SUMF1: variants seen among roughly 807,000 people sequenced by gnomAD.
The protein encoded by SUMF1 is sulfatase modifying factor 1.
In SUMF1, 48 loss-of-function variants were observed where a neutral mutation model predicts 47.6. The observed-to-expected ratio is 1.01, with a 90% CI of 0.80 to 1.28. The LOEUF is 1.28. SUMF1 is among the 50% of genes most tolerant of loss of function. SUMF1 has a pLI of 0.00. For missense variants in SUMF1, 571 were observed against 485.4 expected (o/e 1.18, Z -1.66); for synonymous variants, 230 against 192.1 (o/e 1.20, Z -1.63).
chr3:4,295,190 G>C (rs1552662), intron 8 of SUMF1, among the ~76,000 whole-genome samples: 49,331 of 151,834 alleles, frequency 0.32, 9,221 homozygotes, highest in Non-Finnish European at 0.43. Context: ...CTAGAACTGG[G>C]GCTGGGAAGC....
chr3:4,311,726 T>C (rs1698413062), intron 8 of SUMF1, among the ~76,000 whole-genome samples: 1 of 152,240 alleles, frequency 6.6e-6, no homozygotes, highest in Non-Finnish European at 1.5e-5. Flanking sequence ...TAGACCTGTT[T>C]GTTCTATTTC....
At chr3:4,120,301 T>C (rs1274477401) in intron 8 of SUMF1, among the ~76,000 whole-genome samples, 1 of 151,794 alleles carries the variant, frequency 6.6e-6, no homozygotes, top group Non-Finnish European at 1.5e-5. Context: ...ACAATAAATT[T>C]TGTTAGATGA....
intron 8 of SUMF1, among the ~76,000 whole-genome samples, chr3:4,196,550 C>T (rs1171140419): frequency 6.6e-6 from 1 of 152,086 alleles, no homozygotes; most frequent in Non-Finnish European, 1.5e-5. Flanking sequence ...CAGAGGCCTC[C>T]TTATCAGAGG....
chr3:4,071,063 C>T (rs1695510017), intron 8 of SUMF1, among the ~76,000 whole-genome samples: 1 of 152,030 alleles, frequency 6.6e-6, no homozygotes, highest in Non-Finnish European at 1.5e-5. Flanking sequence ...AGGAATAATA[C>T]ATATATATTT....
chr3:4,451,498 T>C (rs989208280), intron 2 of SUMF1, among the ~76,000 whole-genome samples: 3 of 152,194 alleles, frequency 2.0e-5, no homozygotes, highest in Non-Finnish European at 4.4e-5. Flanking sequence ...TTGTACCAAC[T>C]TATAACTTTT....
At chr3:4,384,815 T>G (rs1037077888) in intron 7 of SUMF1, among the ~76,000 whole-genome samples, 1 of 152,188 alleles carries the variant, frequency 6.6e-6, no homozygotes, top group Non-Finnish European at 1.5e-5. Flanking sequence ...GAACATAAGT[T>G]TTCATCCCTT....
chr3:4,083,528 T>C (rs750519755), intron 8 of SUMF1, among the ~76,000 whole-genome samples: 10 of 152,178 alleles, frequency 6.6e-5, no homozygotes, highest in Admixed American at 1.3e-4. Flanking sequence ...AAAGTCTATG[T>C]GTCTTGTTAC....
chr3:4,190,601 A>G (rs545416988), intron 8 of SUMF1, among the ~76,000 whole-genome samples: 1 of 152,264 alleles, frequency 6.6e-6, no homozygotes, highest in Admixed American at 6.5e-5. Flanking sequence ...GCATCCATTG[A>G]TCACCTTTCA....
At chr3:4,141,870 T>A (rs1574920412) in intron 8 of SUMF1, among the ~76,000 whole-genome samples, 1 of 152,082 alleles carries the variant, frequency 6.6e-6, no homozygotes, top group Non-Finnish European at 1.5e-5. Flanking sequence ...TTTGGGACCT[T>A]TTCCACTCAT....
chr3:4,316,632 C>G (rs747481924), intron 8 of SUMF1: 1 of 1,551,224 alleles, frequency 6.4e-7, no homozygotes, highest in Non-Finnish European at 8.7e-7. Flanking sequence ...TTCTCTTATT[C>G]TACGCAACCA....
intron 8 of SUMF1, among the ~76,000 whole-genome samples, chr3:4,352,915 C>A (rs576942370): frequency 2.6e-5 from 4 of 151,966 alleles, no homozygotes; most frequent in Non-Finnish European, 5.9e-5. Flanking sequence ...TCTTTTTGAC[C>A]GTCCTTAGAA....
chr3:4,451,085 C>A (rs1219412572), intron 2 of SUMF1, among the ~76,000 whole-genome samples: 4 of 147,266 alleles, frequency 2.7e-5, no homozygotes, highest in Non-Finnish European at 5.9e-5. Flanking sequence ...AAAATAAAAT[C>A]AATAAAAAAA....
At chr3:4,194,183 T>C (rs968189142) in intron 8 of SUMF1, among the ~76,000 whole-genome samples, 1 of 152,076 alleles carries the variant, frequency 6.6e-6, no homozygotes. Flanking sequence ...AGAACTGAGT[T>C]TTTTTACTTT....
intron 8 of SUMF1, among the ~76,000 whole-genome samples, chr3:4,211,203 C>CATATATATATATATATATATAT (rs57172340): frequency 1.0e-5 from 1 of 98,154 alleles, no homozygotes; most frequent in Admixed American, 1.1e-4. Context: ...TACATACATA[C>CATATATATATATATATATATAT]ATATATATAT....
intron 3 of SUMF1, among the ~76,000 whole-genome samples, chr3:4,430,752 G>A: frequency 6.6e-6 from 1 of 152,204 alleles, no homozygotes; most frequent in South Asian, 2.1e-4. Flanking sequence ...AGCTCAATGA[G>A]CTATGGGAGC....
At chr3:4,323,211 GA>G (rs1312283523) in intron 8 of SUMF1, among the ~76,000 whole-genome samples, 4 of 152,046 alleles carry the variant, frequency 2.6e-5, no homozygotes, top group Non-Finnish European at 5.9e-5. Context: ...CCATAAAAAG[GA>G]ATGAAATACC....
intron 8 of SUMF1, among the ~76,000 whole-genome samples, chr3:4,181,942 TG>T (rs766459174): frequency 1.3e-3 from 203 of 152,328 alleles, no homozygotes; most frequent in Non-Finnish European, 7.3e-4. Flanking sequence ...CTCCAGAACC[TG>T]GCCTTCCAAG....
intron 8 of SUMF1, among the ~76,000 whole-genome samples, chr3:4,319,347 T>A (rs1698770974): frequency 6.6e-6 from 1 of 152,192 alleles, no homozygotes; most frequent in African/African-American, 2.4e-5. Flanking sequence ...AGTATTTCAC[T>A]GGGTGCTGCA....
chr3:4,140,839 G>C (rs150500498), intron 8 of SUMF1, among the ~76,000 whole-genome samples: 2,757 of 151,938 alleles, frequency 0.018, 41 homozygotes, highest in Non-Finnish European at 0.022. Flanking sequence ...TTTTAAAAAG[G>C]TTTCATTGAA....
Sources: gnomAD v4.1 joint callset for allele counts (sites outside exome capture counted in the v4.1 genomes callset) on GRCh38, gnomAD v4.1.1 for gene constraint, MANE v1.5 for transcripts, NCBI Gene and HGNC (gene_info 2026-07-23, HGNC 2026-07-21) for gene names.